COMMD10: variants seen among roughly 807,000 people sequenced by gnomAD.
The protein encoded by COMMD10 is COMM domain containing 10.
A neutral mutation model predicts 28.9 loss-of-function variants in COMMD10; 33 were observed. That is an observed-to-expected ratio of 1.14 (90% confidence interval 0.87 to 1.53). COMMD10 has a LOEUF of 1.53. Ranked by LOEUF, COMMD10 falls within the 40% of genes most tolerant of loss-of-function variation. COMMD10 has a pLI of 0.00. For missense variants in COMMD10, 310 were observed against 233.4 expected (o/e 1.33, Z -2.14); for synonymous variants, 110 against 81.7 (o/e 1.35, Z -1.87).
chr5:116,212,956 A>G (rs780137084), intron 5 of COMMD10, among the ~76,000 whole-genome samples: 1 of 152,142 alleles, frequency 6.6e-6, no homozygotes, highest in African/African-American at 2.4e-5. Flanking sequence ...GAATGCTCTT[A>G]GAAGATTGGG....
intron 5 of COMMD10, among the ~76,000 whole-genome samples, chr5:116,198,425 C>T (rs1748584193): frequency 6.6e-6 from 1 of 152,048 alleles, no homozygotes; most frequent in African/African-American, 2.4e-5. Flanking sequence ...GTATAGAGAT[C>T]CCCCGTATAT....
At chr5:116,102,135 A>G (rs1466758645) in intron 4 of COMMD10, among the ~76,000 whole-genome samples, 1 of 152,190 alleles carries the variant, frequency 6.6e-6, no homozygotes, top group Non-Finnish European at 1.5e-5. Context: ...TTCTTTGCTT[A>G]GAACAAGGTC....
intron 5 of COMMD10, among the ~76,000 whole-genome samples, chr5:116,220,224 C>T (rs980745644): frequency 2.0e-5 from 3 of 152,106 alleles, no homozygotes; most frequent in South Asian, 4.1e-4. Flanking sequence ...CAAAATCAGG[C>T]ATAAAGTCTC....
Position 116,288,782 on chromosome 5 carries a change from TC to T in COMMD10, c.511-2734del, listed in dbSNP as rs889829704. 9.9e-5 allele frequency among the ~76,000 whole-genome samples: 15 copies of T among 151,782 alleles called. 1 individual carries two copies. The highest frequency in any genetic ancestry group is 3.6e-4 in the African/African-American group (15 of 41,250). ...TTCAGCTCCAGGATTTCTGTTTGGT[TC>T]TTTTTTATAGTTTCTGTGTTTTTCT... On this transcript the variant is annotated intron_variant, in intron 5 of 6. Coordinates refer to ENST00000274458, the MANE Select transcript of COMMD10 (RefSeq NM_016144.4).
intron 5 of COMMD10, among the ~76,000 whole-genome samples, chr5:116,203,895 A>G (rs1350333084): frequency 6.6e-6 from 1 of 152,146 alleles, no homozygotes; most frequent in South Asian, 2.1e-4. Context: ...TAACAATATT[A>G]ACTTTAAATG....
chr5:116,233,624 G>C (rs934176673), intron 5 of COMMD10, among the ~76,000 whole-genome samples: 2 of 152,160 alleles, frequency 1.3e-5, no homozygotes, highest in African/African-American at 4.8e-5. Context: ...GGTGACACTT[G>C]AGTAAAGATT....
At chr5:116,163,621 AAAAC>A (rs1167266167) in intron 5 of COMMD10, among the ~76,000 whole-genome samples, 2 of 151,996 alleles carry the variant, frequency 1.3e-5, no homozygotes, top group Non-Finnish European at 2.9e-5. Flanking sequence ...AAATAAACCA[AAAAC>A]TCAACACAAG....
At chr5:116,216,690 C>A (rs182764786) in intron 5 of COMMD10, among the ~76,000 whole-genome samples, 1 of 152,042 alleles carries the variant, frequency 6.6e-6, no homozygotes, top group East Asian at 1.9e-4. Context: ...TGCGCCACCA[C>A]GCCCAGCTTA....
intron 5 of COMMD10, among the ~76,000 whole-genome samples, chr5:116,138,274 T>C (rs1276033712): frequency 6.6e-6 from 1 of 151,888 alleles, no homozygotes; most frequent in South Asian, 2.1e-4. Context: ...ATTGACTTTT[T>C]TGTTACATTC....
intron 5 of COMMD10, among the ~76,000 whole-genome samples, chr5:116,218,877 T>C (rs1749171868): frequency 6.6e-6 from 1 of 152,100 alleles, no homozygotes; most frequent in South Asian, 2.1e-4. Flanking sequence ...TTTTAGACAG[T>C]GTTATAGATT....
chr5:116,240,094 C>G (rs1425051653), intron 5 of COMMD10, among the ~76,000 whole-genome samples: 1 of 152,020 alleles, frequency 6.6e-6, no homozygotes, highest in Admixed American at 6.6e-5. Context: ...AATAGTAGAT[C>G]ACTATGTGAG....
At chr5:116,201,720 G>C (rs1488764893) in intron 5 of COMMD10, among the ~76,000 whole-genome samples, 1 of 152,054 alleles carries the variant, frequency 6.6e-6, no homozygotes, top group African/African-American at 2.4e-5. Flanking sequence ...AGACTGACAT[G>C]GACTGCACTG....
chr5:116,169,931 G>A (rs1753264495), intron 5 of COMMD10, among the ~76,000 whole-genome samples: 1 of 152,120 alleles, frequency 6.6e-6, no homozygotes, highest in African/African-American at 2.4e-5. Context: ...ACCGGCAGAA[G>A]ACAGCGATGC....
At chr5:116,195,794 A>G (rs1471365257) in intron 5 of COMMD10, among the ~76,000 whole-genome samples, 2 of 152,196 alleles carry the variant, frequency 1.3e-5, no homozygotes, top group Non-Finnish European at 1.5e-5. Flanking sequence ...ACAATTCTCA[A>G]AAGAAAATAT....
chr5:116,093,341 G>C (rs1413490301), intron 4 of COMMD10, among the ~76,000 whole-genome samples: 2 of 152,200 alleles, frequency 1.3e-5, no homozygotes, highest in Non-Finnish European at 2.9e-5. Flanking sequence ...GAGTTCAGTA[G>C]AGAAGTGACC....
chr5:116,119,858 G>T (rs1269167623), intron 4 of COMMD10, among the ~76,000 whole-genome samples: 2 of 152,072 alleles, frequency 1.3e-5, no homozygotes, highest in East Asian at 1.9e-4. Context: ...TCAAGCAATT[G>T]GTCCCCCTGC....
chr5:116,115,963 C>T (rs1336907304), intron 4 of COMMD10, among the ~76,000 whole-genome samples: 47 of 152,180 alleles, frequency 3.1e-4, no homozygotes, highest in Admixed American at 2.9e-3. Flanking sequence ...AATATAAATT[C>T]AACAGTTCTG....
intron 5 of COMMD10, among the ~76,000 whole-genome samples, chr5:116,250,553 A>G (rs1202423936): frequency 6.6e-6 from 1 of 151,802 alleles, no homozygotes; most frequent in Non-Finnish European, 1.5e-5. Context: ...CTGACACCTC[A>G]CCTCATAGAG....
intron 5 of COMMD10, among the ~76,000 whole-genome samples, chr5:116,230,247 A>G (rs1287841117): frequency 5.3e-5 from 8 of 151,866 alleles, no homozygotes; most frequent in African/African-American, 1.9e-4. Flanking sequence ...TTTTATCTCC[A>G]TTACTTGTTA....
Sources: gnomAD v4.1 joint callset for allele counts (sites outside exome capture counted in the v4.1 genomes callset) on GRCh38, gnomAD v4.1.1 for gene constraint, MANE v1.5 for transcripts, NCBI Gene and HGNC (gene_info 2026-07-23, HGNC 2026-07-21) for gene names.